Variants in DLG2 observed in about 807,000 individuals in gnomAD.
DLG2 encodes the protein discs large MAGUK scaffold protein 2.
Under a neutral mutation model 132.5 loss-of-function variants are expected in DLG2, and 45 were observed. The observed-to-expected ratio is 0.34, with a 90% CI of 0.27 to 0.44. The LOEUF (loss-of-function observed/expected upper bound fraction) is 0.44, where lower values mean the gene tolerates loss of function less well. DLG2 is among the 20% of genes least tolerant of loss of function. DLG2 has a pLI of 1.00. For synonymous variants in DLG2, 424 were observed against 419.6 expected (o/e 1.01, Z -0.13); for missense variants, 1,045 against 1,196.9 (o/e 0.87, Z 1.87).
intron 2 of DLG2, among the ~76,000 whole-genome samples, chr11:85,608,029 G>A (rs1251598538): frequency 5.9e-5 from 9 of 152,156 alleles, no homozygotes; most frequent in African/African-American, 1.2e-4. Flanking sequence ...GCAGGTTTTC[G>A]AGAATGCATC....
intron 6 of DLG2, among the ~76,000 whole-genome samples, chr11:84,726,453 T>C (rs867137193): frequency 9.2e-5 from 14 of 152,206 alleles, no homozygotes; most frequent in South Asian, 4.1e-4. Context: ...GTCACCCTTT[T>C]TATGGCTGCA....
intron 17 of DLG2, among the ~76,000 whole-genome samples, chr11:83,806,199 C>A (rs1290150525): frequency 2.6e-5 from 4 of 152,154 alleles, no homozygotes; most frequent in Non-Finnish European, 5.9e-5. Context: ...GCCCCACAAC[C>A]TGGCAGCATT....
intron 6 of DLG2, among the ~76,000 whole-genome samples, chr11:84,919,186 T>C (rs575315906): frequency 6.6e-5 from 10 of 152,274 alleles, no homozygotes; most frequent in African/African-American, 2.4e-4. Context: ...AATGATGAGT[T>C]AATTTGATTG....
At chr11:85,396,121 A>C (rs1335926001) in intron 3 of DLG2, among the ~76,000 whole-genome samples, 2 of 152,214 alleles carry the variant, frequency 1.3e-5, no homozygotes, top group Non-Finnish European at 2.9e-5. Context: ...GGTGATACCC[A>C]GTCAAACAGT....
At chr11:83,786,421 A>C (rs2039956333) in intron 18 of DLG2, 1 of 400,246 alleles carries the variant, frequency 2.5e-6, no homozygotes. Context: ...ACCACATAAG[A>C]ATATAAATGA....
At chr11:85,242,130 G>A (rs1461382883) in intron 4 of DLG2, among the ~76,000 whole-genome samples, 7 of 151,954 alleles carry the variant, frequency 4.6e-5, no homozygotes, top group African/African-American at 1.4e-4. Flanking sequence ...TCTTTAATAG[G>A]AGAATAAATG....
At chr11:83,760,886 C>T (rs1371248016) in intron 18 of DLG2, among the ~76,000 whole-genome samples, 5 of 152,132 alleles carry the variant, frequency 3.3e-5, no homozygotes, top group Non-Finnish European at 2.9e-5. Context: ...TCAAGTACAT[C>T]ATGGGTTGTC....
At chr11:85,607,633 C>G (rs1284029771) in intron 2 of DLG2, among the ~76,000 whole-genome samples, 1 of 152,184 alleles carries the variant, frequency 6.6e-6, no homozygotes, top group East Asian at 1.9e-4. Flanking sequence ...CCTGGGCTCA[C>G]CAATCAAAAA....
Position 83,776,132 on chromosome 11 carries a change from T to C in DLG2, c.1825+10558A>G, listed in dbSNP as rs565808117. ...AATAAAATAAATAAATAAATAAAGATGAATAAAACATGCTTTTCTGTGAAG... is the reference window on the plus strand; with the variant it reads ...AATAAAATAAATAAATAAATAAAGACGAATAAAACATGCTTTTCTGTGAAG... On this transcript the variant is annotated intron_variant, in intron 18 of 27. Coordinates refer to ENST00000376104, the MANE Select transcript of DLG2 (RefSeq NM_001142699.3). Among the ~76,000 whole-genome samples the C allele has an allele frequency of 3.3e-5, 5 of 152,074 alleles. No homozygotes were observed. The East Asian group carries it at 5.8e-4, about 18-fold the overall frequency.
intron 16 of DLG2, among the ~76,000 whole-genome samples, chr11:83,872,374 C>T (rs2063639764): frequency 6.6e-6 from 1 of 152,112 alleles, no homozygotes; most frequent in Non-Finnish European, 1.5e-5. Context: ...AGGACTCAAA[C>T]CAAATTCTTT....
intron 6 of DLG2, among the ~76,000 whole-genome samples, chr11:84,894,068 A>G (rs1015433550): frequency 3.9e-5 from 6 of 152,148 alleles, no homozygotes; most frequent in Non-Finnish European, 2.9e-5. Flanking sequence ...CTGAGGTTCT[A>G]TAAATCTATG....
chr11:84,951,691 C>CTA (rs548841608), intron 6 of DLG2, among the ~76,000 whole-genome samples: 24 of 148,098 alleles, frequency 1.6e-4, no homozygotes, highest in South Asian at 4.2e-4. Flanking sequence ...TATATGCATT[C>CTA]TATATATATA....
At chr11:85,619,900 T>G (rs2081585075) in intron 2 of DLG2, among the ~76,000 whole-genome samples, 2 of 152,092 alleles carry the variant, frequency 1.3e-5, no homozygotes. Flanking sequence ...AATACAAATT[T>G]GGTAAAATGC....
At chr11:85,214,363 C>A (rs1045045011) in intron 4 of DLG2, among the ~76,000 whole-genome samples, 1 of 152,132 alleles carries the variant, frequency 6.6e-6, no homozygotes, top group South Asian at 2.1e-4. Context: ...CTGATCTCTA[C>A]AACACCTCGC....
At chr11:84,230,992 T>C (rs1165222453) in intron 8 of DLG2, among the ~76,000 whole-genome samples, 2 of 152,186 alleles carry the variant, frequency 1.3e-5, no homozygotes, top group South Asian at 4.1e-4. Context: ...AGAATATACA[T>C]TGTCTTCTTC....
At chr11:85,017,406 T>G (rs1012037668) in intron 6 of DLG2, among the ~76,000 whole-genome samples, 2 of 152,000 alleles carry the variant, frequency 1.3e-5, no homozygotes, top group African/African-American at 4.8e-5. Flanking sequence ...CCCCTACTAC[T>G]TTGTTGAAAT....
In DLG2 at chr11:84,387,432, AC is replaced by A. The variant is rs1258537638; in HGVS notation, c.520-136142del. ...TTATAATTATTAAGAAATTAGTTATACAGAAAAATATTACAATCTCCTCACA... is the reference window on the plus strand; with the variant it reads ...TTATAATTATTAAGAAATTAGTTATAAGAAAAATATTACAATCTCCTCACA... On this transcript the variant is annotated intron_variant, in intron 7 of 27. Coordinates refer to ENST00000376104, the MANE Select transcript of DLG2 (RefSeq NM_001142699.3). Among the ~76,000 whole-genome samples the A allele has an allele frequency of 4.6e-5, 7 of 152,080 alleles. 2 individuals carry two copies. The highest frequency in any genetic ancestry group is 8.8e-5 in the Non-Finnish European group (6 of 68,030).
At chr11:83,825,086 C>CAT (rs1468635370) in intron 17 of DLG2, among the ~76,000 whole-genome samples, 1 of 144,198 alleles carries the variant, frequency 6.9e-6, no homozygotes, top group African/African-American at 2.5e-5. Context: ...TATATACACA[C>CAT]ATATATATAC....
chr11:85,400,690 C>A (rs1485734167), intron 3 of DLG2, among the ~76,000 whole-genome samples: 3 of 148,984 alleles, frequency 2.0e-5, no homozygotes, highest in Middle Eastern at 3.4e-3. Flanking sequence ...GGACAAAAAA[C>A]CAAACACCGC....
Sources: gnomAD v4.1 joint callset for allele counts (sites outside exome capture counted in the v4.1 genomes callset) on GRCh38, gnomAD v4.1.1 for gene constraint, MANE v1.5 for transcripts, NCBI Gene and HGNC (gene_info 2026-07-23, HGNC 2026-07-21) for gene names.